ARHGAP39: variants seen among roughly 807,000 people sequenced by gnomAD.
ARHGAP39 encodes the protein rho GTPase-activating protein 39.
A neutral mutation model predicts 106.9 loss-of-function variants in ARHGAP39; 44 were observed. The ratio of observed to expected loss-of-function variants is 0.41; its 90% confidence interval spans 0.32 to 0.53. The LOEUF is 0.53. ARHGAP39 is among the 20% of genes least tolerant of loss of function. The pLI is 0.21. For missense variants in ARHGAP39, 1,496 were observed against 1,577.3 expected, an observed-to-expected ratio of 0.95 and a Z score of 0.87; for synonymous variants, 768 against 693.2, an observed-to-expected ratio of 1.11 and a Z score of -1.69.
intron 1 of ARHGAP39, among the ~76,000 whole-genome samples, chr8:144,609,464 T>C (rs909156402): frequency 2.0e-5 from 3 of 148,104 alleles, no homozygotes; most frequent in African/African-American, 7.5e-5. Flanking sequence ...GGCAGTGGCA[T>C]GATCTCGGCT....
At chr8:144,590,753 C>T (rs1819361225) in intron 2 of ARHGAP39, among the ~76,000 whole-genome samples, 3 of 152,198 alleles carry the variant, frequency 2.0e-5, no homozygotes, top group African/African-American at 4.8e-5. Flanking sequence ...CACCCCTACC[C>T]CCCCACAACC....
intron 1 of ARHGAP39, among the ~76,000 whole-genome samples, chr8:144,659,436 C>T (rs904811767): frequency 3.9e-5 from 6 of 152,190 alleles, no homozygotes; most frequent in Non-Finnish European, 7.3e-5. Context: ...TAAAGTTTCA[C>T]GTGTTCAACT....
chr8:144,661,411 C>T (rs1216441813), intron 1 of ARHGAP39, among the ~76,000 whole-genome samples: 2 of 152,218 alleles, frequency 1.3e-5, no homozygotes, highest in African/African-American at 4.8e-5. Context: ...AGCACCCTCA[C>T]TCCTGTGATA....
chr8:144,547,935 C>T lies in ARHGAP39; in HGVS notation c.1151G>A (p.Ser384Asn), dbSNP rs1036735693. The change falls in exon 5 of 12, where the codon AGC (serine) becomes AAC (asparagine). Residue 384 changes from serine to asparagine, a missense_variant. By Grantham distance (46) the Ser-to-Asn change is conservative. This residue lies in a region of ARHGAP39 where 905 missense variants were observed against 816.4 expected (regional missense o/e 1.11). Transcript: ENST00000377307. This position sits in a 1 kb window ranked among gnomAD's most constrained non-coding sequence, Gnocchi z 5.2. Reference sequence around the variant, plus strand: ...CTTGCCGGCGGGACTGTACTCCAGGCTCAGGAAGCGCTCGGGACACTTCTG... The same window carrying T: ...CTTGCCGGCGGGACTGTACTCCAGGTTCAGGAAGCGCTCGGGACACTTCTG... ...TKQKCPERFL[S>N]LEYSPAGKEY... 3.8e-6 allele frequency: 6 copies of T among 1,592,220 alleles called. No individual in the cohort carries two copies. Among genetic ancestry groups the T allele is most frequent in the East Asian group, 2.3e-5 (1 of 43,612 alleles).
chr8:144,648,564 A>T (rs1435121890), intron 1 of ARHGAP39, among the ~76,000 whole-genome samples: 1 of 152,206 alleles, frequency 6.6e-6, no homozygotes, highest in Non-Finnish European at 1.5e-5. Flanking sequence ...TGGCTGTTTA[A>T]AAGCTTTTTA....
rs561190725 is a variant in ARHGAP39 at position 144,604,575 on chromosome 8, G to A, written c.80+960C>T. On this transcript the variant is annotated intron_variant, in intron 2 of 11. Coordinates refer to ENST00000377307, the MANE Select transcript of ARHGAP39 (RefSeq NM_025251.3). The surrounding 1 kb of genome is among the most constrained non-coding windows in gnomAD (Gnocchi z 4.1). Reference sequence around the variant, plus strand: ...GTATTTTTTGTAGAGATGGGGTCTCGCTAGGTTGCCCAGGCTGGGATGATC... The same window carrying A: ...GTATTTTTTGTAGAGATGGGGTCTCACTAGGTTGCCCAGGCTGGGATGATC... Among the ~76,000 whole-genome samples the A allele has an allele frequency of 1.9e-4, 29 of 152,144 alleles. 1 individual carries two copies. Among genetic ancestry groups the A allele is most frequent in the Admixed American group, 2.0e-4 (3 of 15,286 alleles).
intron 1 of ARHGAP39, among the ~76,000 whole-genome samples, chr8:144,623,392 A>G (rs916863765): frequency 2.0e-5 from 3 of 152,256 alleles, no homozygotes; most frequent in Non-Finnish European, 4.4e-5. Flanking sequence ...ACTGTCAGCA[A>G]GATTTTAAAG....
chr8:144,582,479 C>T (rs561895586), intron 2 of ARHGAP39, among the ~76,000 whole-genome samples: 1 of 152,360 alleles, frequency 6.6e-6, no homozygotes, highest in African/African-American at 2.4e-5. Context: ...GGTTCTGGGT[C>T]TGTTTCTTGC....
rs902528514 is a variant in ARHGAP39, at chr8:144,637,735, C to T, written c.-81-32040G>A. Among the ~76,000 whole-genome samples the T allele has an allele frequency of 1.4e-4, 21 of 151,880 alleles. No individual in the cohort carries two copies. In the East Asian group the frequency reaches 4.1e-3, roughly 29 times the overall value. ...TCTTTTTTTTTTAGACGGTCTTGCT[C>T]GGTTGCCCAGGCTGGAGTGCAGTGG... On this transcript the variant is annotated intron_variant, in intron 1 of 11. Transcript: ENST00000377307.
intron 6 of ARHGAP39, among the ~76,000 whole-genome samples, chr8:144,540,968 C>T (rs1445877259): frequency 3.3e-5 from 5 of 152,206 alleles, no homozygotes; most frequent in African/African-American, 4.8e-5. Flanking sequence ...TCTCCTGCCT[C>T]AGCCTCCTGA....
At chr8:144,581,704 G>T (rs765582951) in intron 2 of ARHGAP39, among the ~76,000 whole-genome samples, 1 of 152,210 alleles carries the variant, frequency 6.6e-6, no homozygotes, top group Non-Finnish European at 1.5e-5. Flanking sequence ...TCGGGGTCTG[G>T]AGGGGCCTCA....
At chr8:144,611,963 T>G (rs111261805) in intron 1 of ARHGAP39, among the ~76,000 whole-genome samples, 5,890 of 151,258 alleles carry the variant, frequency 0.039, 186 homozygotes, top group South Asian at 0.063. Context: ...GGGCCGAGAT[T>G]GCACCATTGT....
intron 1 of ARHGAP39, chr8:144,683,295 A>C (rs1822477275): frequency 6.6e-6 from 1 of 150,602 alleles, no homozygotes; most frequent in Non-Finnish European, 1.5e-5. Context: ...AGCCTGGGCG[A>C]CAGAGCGAGA....
chr8:144,627,625 G>C (rs1295658041), intron 1 of ARHGAP39, among the ~76,000 whole-genome samples: 1 of 151,986 alleles, frequency 6.6e-6, no homozygotes, highest in Non-Finnish European at 1.5e-5. Flanking sequence ...CTGGGCACGG[G>C]ACACACGCCT....
At position 144,603,274 on chromosome 8, in the gene ARHGAP39, TGGA is replaced by T. The variant is rs1437772355; in HGVS notation, c.80+2258_80+2260del. ...GCTCGTGTACCTGTGTGCATGTGCGTGGAGGTGTGTGTGCGTGCTCGTGTATCT... is the reference window on the plus strand; with the variant it reads ...GCTCGTGTACCTGTGTGCATGTGCGTGGTGTGTGTGCGTGCTCGTGTATCT... On this transcript the variant is annotated intron_variant, in intron 2 of 11. Transcript: ENST00000377307. Among the ~76,000 whole-genome samples the T allele has an allele frequency of 2.7e-4, 41 of 151,570 alleles. No individual in the cohort carries two copies. In the South Asian group the frequency reaches 2.7e-3, roughly 10 times the overall value.
intron 1 of ARHGAP39, among the ~76,000 whole-genome samples, chr8:144,651,664 A>T (rs1821577580): frequency 6.6e-6 from 1 of 152,162 alleles, no homozygotes; most frequent in East Asian, 1.9e-4. Context: ...CTGAGATCAC[A>T]TCACTGCACT....
At chr8:144,636,496 C>T (rs904372501) in intron 1 of ARHGAP39, among the ~76,000 whole-genome samples, 2 of 152,198 alleles carry the variant, frequency 1.3e-5, no homozygotes, top group African/African-American at 4.8e-5. Flanking sequence ...GCCAAGCTCC[C>T]GACAGCCCCA....
chr8:144,574,698 A>T (rs1195283285), intron 3 of ARHGAP39, among the ~76,000 whole-genome samples: 1 of 152,222 alleles, frequency 6.6e-6, no homozygotes, highest in African/African-American at 2.4e-5. Flanking sequence ...ATAATAATAA[A>T]AAATAAAAAA....
chr8:144,574,668 C>T (rs541634782), intron 3 of ARHGAP39, among the ~76,000 whole-genome samples: 15 of 152,012 alleles, frequency 9.9e-5, no homozygotes, highest in Admixed American at 2.6e-4. Flanking sequence ...AGCGAGACTC[C>T]GTCTCAAAAA....
Sources: gnomAD v4.1 joint callset for allele counts (sites outside exome capture counted in the v4.1 genomes callset) on GRCh38, gnomAD v4.1.1 for gene constraint, gnomAD v4.1.1 regional missense constraint, Gnocchi (gnomAD v3.1) non-coding constraint, MANE v1.5 for transcripts, NCBI Gene and HGNC (gene_info 2026-07-23, HGNC 2026-07-21) for gene names.